MAN2C1: variants seen among roughly 807,000 people sequenced by gnomAD.
MAN2C1 encodes alpha-mannosidase 2C1.
In MAN2C1, 111 loss-of-function variants were observed where a neutral mutation model predicts 126.9. The ratio of observed to expected loss-of-function variants is 0.87; its 90% CI spans 0.75 to 1.02. MAN2C1 has a LOEUF of 1.02. Ranked by LOEUF, MAN2C1 falls within the 50% of genes least tolerant of loss-of-function variation. MAN2C1 has a pLI of 0.00. For missense variants in MAN2C1, 1,363 were observed against 1,364.4 expected, an observed-to-expected ratio of 1.00 and a Z score of 0.02; for synonymous variants, 567 against 561.5, an observed-to-expected ratio of 1.01 and a Z score of -0.14.
At chr15:75,357,309 C>CTT (rs766453436) in intron 21 of MAN2C1, 32 of 144,940 alleles carry the variant, frequency 2.2e-4, no homozygotes, top group South Asian at 7.3e-4. Flanking sequence ...CCACGCCCGG[C>CTT]TTTTTTTTTT....
rs2072305504 is a variant in MAN2C1 at position 75,356,494 on chromosome 15, C to T, written c.2738-45G>A. 1.9e-6 allele frequency: 3 copies of T among 1,569,264 alleles called. No individual in the cohort carries two copies. The highest frequency in any genetic ancestry group is 1.9e-5 in the Admixed American group (1 of 52,516). ...CAATGCTGGTGGAGAATGGGGGCTA[C>T]CCTCCCCTGTCCCTAGAAGGGGCAG... On this transcript the variant is annotated intron_variant, in intron 23 of 25. Coordinates refer to ENST00000267978, the MANE Select transcript of MAN2C1 (RefSeq NM_006715.4). This position sits in a 1 kb window ranked among gnomAD's most constrained non-coding sequence, Gnocchi z 5.8.
intron 3 of MAN2C1, 23 bp downstream of exon 3, chr15:75,367,488 G>C (rs912221206): frequency 2.5e-6 from 4 of 1,612,350 alleles, no homozygotes; most frequent in Non-Finnish European, 3.4e-6. Flanking sequence ...GGCCATACCT[G>C]GCCCTAGGAC....
At position 75,361,083 on chromosome 15, in the gene MAN2C1, G is replaced by A. The variant is rs755736667; in HGVS notation, c.1423C>T (p.Arg475Cys). The change falls in exon 12 of 26, where the codon CGC becomes TGC. Residue 475 changes from arginine (R) to cysteine (C), a missense_variant. Physicochemically the swap from Arg to Cys is radical, Grantham distance 180. Around this residue, in one of 3 missense-constraint regions of MAN2C1, gnomAD observed 67 missense variants for 104.5 expected, o/e 0.64. Coordinates refer to ENST00000267978, the MANE Select transcript of MAN2C1 (RefSeq NM_006715.4). The surrounding 1 kb of genome is among the most constrained non-coding windows in gnomAD (Gnocchi z 5.0). ...TCCGTATTGCTCAGGCGCTTCAGGC[G>A]GTCCAGCATGGTCTGGGTGGGGCCA... ...GGGPTQTMLDRLKRLSNTDGL... is the reference protein window; with the variant it reads ...GGGPTQTMLDCLKRLSNTDGL... 84 of 1,612,012 alleles carry A rather than the reference G, an allele frequency of 5.2e-5. No individual in the cohort carries two copies. In the East Asian group the frequency reaches 1.5e-3, roughly 29 times the overall value.
At chr15:75,359,519 C>A in intron 16 of MAN2C1, 94 bp from the exon 17 acceptor site, 2 of 1,565,084 alleles carry the variant, frequency 1.3e-6, no homozygotes, top group South Asian at 1.1e-5. Flanking sequence ...TGCTACTACT[C>A]TCCAGTCAGG....
intron 21 of MAN2C1, 96 bp downstream of exon 21, chr15:75,358,105 A>G (rs2072374555): frequency 2.7e-6 from 4 of 1,465,904 alleles, no homozygotes; most frequent in South Asian, 1.2e-5. Context: ...GAAGCAGCAA[A>G]TGTTGATTAT....
Position 75,364,616 on chromosome 15 carries a change from T to A in MAN2C1, c.472A>T (p.Lys158Ter), listed in dbSNP as rs772617555. 6.2e-7 allele frequency: 1 copy of A among 1,613,456 alleles called. No individual in the cohort carries two copies. The highest frequency in any genetic ancestry group is 1.7e-5 in the Admixed American group (1 of 59,952). ...TCAGGGGCTGCAATCATGCTTCCCT[T>A]CCCGGCCCCCAGGAGCCCATTGCAG... ...VACNGLLGAG[K>*]GSMIAAPDPE... The change falls in exon 5 of 26, where the codon AAG becomes TAG. Residue 158 changes from lysine (K) to a stop codon, truncating the protein, a stop_gained. Coordinates refer to ENST00000267978, the MANE Select transcript of MAN2C1 (RefSeq NM_006715.4). LOFTEE classifies it high-confidence loss of function.
intron 13 of MAN2C1, 120 bp downstream of exon 13, chr15:75,360,445 C>T (rs1595876538): frequency 1.4e-6 from 2 of 1,446,186 alleles, no homozygotes; most frequent in South Asian, 1.4e-5. Flanking sequence ...TCTTGAACTT[C>T]TCTCCTCCAA....
Position 75,368,213 on chromosome 15 carries a change from C to A in MAN2C1, c.102-15G>T. The A allele has an allele frequency of 1.3e-6, 2 of 1,595,032 alleles. No homozygotes were observed. The highest frequency in any genetic ancestry group is 1.7e-6 in the Non-Finnish European group (2 of 1,174,158). The stretch of plus-strand genomic sequence containing the variant: ...CCCCAAAAAGCCTGCGTGGGACGGG[C>A]CGGTGGGCACATGCTGGAGGCCGCC... On this transcript the variant is annotated splice_polypyrimidine_tract_variant and intron_variant, in intron 1 of 25. Coordinates refer to ENST00000267978, the MANE Select transcript of MAN2C1 (RefSeq NM_006715.4).
chr15:75,357,009 A>G, intron 21 of MAN2C1, 107 bp from the exon 22 acceptor site: 1 of 859,888 alleles, frequency 1.2e-6, no homozygotes. Context: ...GAACCACACA[A>G]CTGAACTCCA....
intron 14 of MAN2C1, 24 bp downstream of exon 14, chr15:75,360,066 T>C (rs1341903800): frequency 1.2e-6 from 2 of 1,613,978 alleles, no homozygotes; most frequent in African/African-American, 1.3e-5. Context: ...GTCAGGTGGA[T>C]GGCAGGGACA....
At position 75,358,544 on chromosome 15, in the gene MAN2C1, A is replaced by G; in HGVS notation, c.2321T>C (p.Leu774Ser). The G allele has an allele frequency of 6.2e-7, 1 of 1,613,440 alleles. No individual in the cohort carries two copies. The highest frequency in any genetic ancestry group is 1.6e-4 in the Middle Eastern group (1 of 6,062). ...CCGACTGTTGGGGCTGATCTGTAGC[A>G]AGAACCAGGCGCTGCCCCGCAGGCC... Reference protein sequence around the residue: ...EGGLRGSAWFLLQISPNSRLS... With the variant: ...EGGLRGSAWFSLQISPNSRLS... Residue 774 changes from leucine (L) to serine (S), a missense_variant, in exon 20 of 26, where the codon TTG (leucine) becomes TCG (serine). Physicochemically the swap from Leu to Ser is moderately radical, Grantham distance 145. Coordinates refer to ENST00000267978, the MANE Select transcript of MAN2C1 (RefSeq NM_006715.4).
At position 75,367,581 on chromosome 15, in the gene MAN2C1, C is replaced by T. The variant is rs1179072877; in HGVS notation, c.281G>A (p.Gly94Asp). 3 of 1,614,186 alleles carry T rather than the reference C, an allele frequency of 1.9e-6. No homozygotes were observed. Among genetic ancestry groups the T allele is most frequent in the South Asian group, 2.2e-5 (2 of 91,084 alleles). ...TTCCCAGCAAAGGTGAACTTCCTGG[C>T]CCACCCATGCCTCTGGGATGGTCAG... ...VELTIPEAWV[G>D]QEVHLCWESD... is the part of the protein sequence containing the mutation. Residue 94 changes from glycine to aspartate, a missense_variant, in exon 3 of 26, where the codon GGC becomes GAC. This residue lies in a region of MAN2C1 where 628 missense variants were observed against 609.8 expected (regional missense o/e 1.03). Coordinates refer to ENST00000267978, the MANE Select transcript of MAN2C1 (RefSeq NM_006715.4).
rs1016681336 is a variant in MAN2C1 at position 75,356,906 on chromosome 15, G to A, written c.2548-4C>T. 8.7e-6 allele frequency: 14 copies of A among 1,613,436 alleles called. No individual in the cohort carries two copies. Among genetic ancestry groups the A allele is most frequent in the Non-Finnish European group, 1.2e-5 (14 of 1,179,610 alleles). ...CCATCCAGCGATGGGCCCACACCTG[G>A]AGGGCAGATCCAAGACCCACTTGGT... On this transcript the variant is annotated splice_region_variant and splice_polypyrimidine_tract_variant and intron_variant, in intron 21 of 25. Coordinates refer to ENST00000267978, the MANE Select transcript of MAN2C1 (RefSeq NM_006715.4). This position sits in a 1 kb window ranked among gnomAD's most constrained non-coding sequence, Gnocchi z 5.8.
At chr15:75,365,828 T>C (rs965200363) in intron 4 of MAN2C1, 3 of 318,518 alleles carry the variant, frequency 9.4e-6, no homozygotes, top group African/African-American at 2.3e-5. Flanking sequence ...CTCACGCCTG[T>C]AATTCCAGCA....
At chr15:75,364,729 A>AG in intron 4 of MAN2C1, 64 bp from the exon 5 acceptor site, 2 of 1,434,730 alleles carry the variant, frequency 1.4e-6, no homozygotes, top group Non-Finnish European at 9.3e-7. Context: ...GACTTGGGGA[A>AG]GGGGCACCCA....
rs1489209448 is a variant in MAN2C1, at chr15:75,356,359, G to A, written c.2828C>T (p.Thr943Ile). ...AGACACGGAAAACGCACTCCAGGAG[G>A]TGGCGGGCGCTGGGCTGGGGGCTGG... ...ALPAPSPAPA[T>I]SWSAFSVSSP... Residue 943 changes from threonine (T) to isoleucine (I), a missense_variant, in exon 24 of 26, where the codon ACC becomes ATC. Thr to Ile is a moderately conservative substitution (Grantham distance 89, BLOSUM62 -1). Transcript: ENST00000267978. This position sits in a 1 kb window ranked among gnomAD's most constrained non-coding sequence, Gnocchi z 5.8. 1.2e-6 allele frequency: 2 copies of A among 1,612,452 alleles called. No homozygotes were observed. Among genetic ancestry groups the A allele is most frequent in the Admixed American group, 1.7e-5 (1 of 59,756 alleles).
At chr15:75,363,969 C>T (rs1195502514) in intron 6 of MAN2C1, 30 bp downstream of exon 6, 13 of 1,610,902 alleles carry the variant, frequency 8.1e-6, no homozygotes, top group African/African-American at 1.3e-5. Context: ...CTCCTGCTTC[C>T]CCAGCCAGCC....
chr15:75,360,659 A>G lies in MAN2C1; in HGVS notation c.1490T>C (p.Phe497Ser), dbSNP rs1189205942. 6.2e-7 allele frequency: 1 copy of G among 1,613,868 alleles called. No homozygotes were observed. Among genetic ancestry groups the G allele is most frequent in the Admixed American group, 1.7e-5 (1 of 60,022 alleles). Reference protein sequence around the residue: ...RVQLSSPRQLFSALESDSEQL... With the variant: ...RVQLSSPRQLSSALESDSEQL... ...CTCTGAGTCACTCTCCAGTGCTGAG[A>G]AGAGCTGTCTTGGAGAAGATAGCTG... The change falls in exon 13 of 26, where the codon TTC becomes TCC. Residue 497 changes from phenylalanine (F) to serine (S), a missense_variant. Around this residue, in one of 3 missense-constraint regions of MAN2C1, gnomAD observed 67 missense variants for 104.5 expected, o/e 0.64. Transcript: ENST00000267978.
intron 12 of MAN2C1, 113 bp downstream of exon 12, chr15:75,360,933 G>A: frequency 1.4e-6 from 2 of 1,381,136 alleles, no homozygotes; most frequent in Non-Finnish European, 1.9e-6. Context: ...CGTGGTCTAG[G>A]ATTGGGACAG....
Sources: allele counts gnomAD v4.1 joint callset, GRCh38; gene constraint gnomAD v4.1.1; regional missense constraint gnomAD v4.1.1; non-coding constraint Gnocchi (gnomAD v3.1); transcripts MANE v1.5; gene names NCBI Gene and HGNC (gene_info 2026-07-23, HGNC 2026-07-21).